The following PPP2R5B variants were observed in gnomAD, a reference collection of about 807,000 sequenced individuals.
PPP2R5B encodes the protein protein phosphatase 2 regulatory subunit B'beta, also known as serine/threonine-protein phosphatase 2A 56 kDa regulatory subunit beta isoform.
A neutral mutation model predicts 59.9 loss-of-function variants in PPP2R5B; 19 were observed. The ratio of observed to expected loss-of-function variants is 0.32; its 90% confidence interval spans 0.22 to 0.47. PPP2R5B has a LOEUF of 0.47. PPP2R5B is among the 20% of genes least tolerant of loss of function. The pLI, the probability that PPP2R5B is intolerant of heterozygous loss-of-function variation, is 1.00. For missense variants in PPP2R5B, 441 were observed against 640.2 expected (o/e 0.69, Z 3.36); for synonymous variants, 286 against 260.5 (o/e 1.10, Z -0.94).
At position 64,927,786 on chromosome 11, in the gene PPP2R5B, CA is replaced by C. The variant is rs1945184266; in HGVS notation, c.397-14del. ...TCAAGGGCTTTTCCTTAATGAACCC[CA>C]ACTCTGCCACTCAGATCTCAGTGAA... On this transcript the variant is annotated splice_polypyrimidine_tract_variant and intron_variant, in intron 3 of 13. Coordinates refer to ENST00000164133, the MANE Select transcript of PPP2R5B (RefSeq NM_006244.4). The C allele has an allele frequency of 6.4e-7, 1 of 1,562,294 alleles. No individual in the cohort carries two copies. Among genetic ancestry groups the C allele is most frequent in the African/African-American group, 1.4e-5 (1 of 73,814 alleles).
rs1295110295 is a variant in PPP2R5B at position 64,924,803 on chromosome 11, G to A, written c.-490G>A. ...TCCCAGGACTTCAGCGGAGATCCGC[G>A]CGCTGCGACGGCCGGTGCAGAGCCC... On this transcript the variant is annotated 5_prime_UTR_variant, in exon 1 of 14. Transcript: ENST00000164133. 6.6e-6 allele frequency: 1 copy of A among 152,296 alleles called. No individual in the cohort carries two copies. The highest frequency in any genetic ancestry group is 1.5e-5 in the Non-Finnish European group (1 of 68,084). 9.4% of individuals were successfully genotyped at this position (152,296 alleles called of 1,614,324 possible).
Position 64,927,913 on chromosome 11 carries a change from G to A in PPP2R5B, c.498+10G>A, listed in dbSNP as rs1945185899. ...GTGGCCACACCTGCAGGTCTGAAGG[G>A]TTGGGGAAGACAGAGATCCAAGTTT... On this transcript the variant is annotated intron_variant, in intron 4 of 13. Transcript: ENST00000164133. 6.3e-7 allele frequency: 1 copy of A among 1,590,294 alleles called. No homozygotes were observed. The highest frequency in any genetic ancestry group is 8.6e-7 in the Non-Finnish European group (1 of 1,158,384).
In PPP2R5B at chr11:64,925,916, C is replaced by T. The variant is rs887668274; in HGVS notation, c.182C>T (p.Pro61Leu). 6 of 1,611,732 alleles carry T rather than the reference C, an allele frequency of 3.7e-6. No homozygotes were observed. Among genetic ancestry groups the T allele is most frequent in the Non-Finnish European group, 5.1e-6 (6 of 1,179,822 alleles). Reference protein sequence around the residue: ...RYQSNQQELTPLPLLKDVPAS... With the variant: ...RYQSNQQELTLLPLLKDVPAS... ...CAGAGCAACCAGCAAGAGCTCACAC[C>T]GCTGCCCCTGCTCAAAGGTGAGCTG... Residue 61 changes from proline (P) to leucine (L), a missense_variant, in exon 2 of 14, where the codon CCG (proline) becomes CTG (leucine). By Grantham distance (98) the Pro-to-Leu change is moderately conservative. Around this residue, in one of 3 missense-constraint regions of PPP2R5B, gnomAD observed 103 missense variants for 87.9 expected, o/e 1.17. Coordinates refer to ENST00000164133, the MANE Select transcript of PPP2R5B (RefSeq NM_006244.4). This position sits in a 1 kb window ranked among gnomAD's most constrained non-coding sequence, Gnocchi z 4.6.
chr11:64,928,054 C>T lies in PPP2R5B; in HGVS notation c.499-12C>T. On this transcript the variant is annotated splice_polypyrimidine_tract_variant and intron_variant, in intron 4 of 13. Transcript: ENST00000164133. ...TACTGAACTCACCTTTTTGTCTGTC[C>T]CCCTCCCCCAGCTGGTATATGAGTT... 1 of 1,613,332 alleles carries T rather than the reference C, an allele frequency of 6.2e-7. No individual in the cohort carries two copies. Among genetic ancestry groups the T allele is most frequent in the Admixed American group, 1.7e-5 (1 of 59,976 alleles).
At chr11:64,927,037 TC>T (rs71270582) in intron 3 of PPP2R5B, 129 bp downstream of exon 3, 6 of 1,069,034 alleles carry the variant, frequency 5.6e-6, no homozygotes, top group South Asian at 1.6e-5. Flanking sequence ...ACGTCTTCCT[TC>T]CCCCCGACCT....
chr11:64,928,269 C>T (rs1945189984), intron 5 of PPP2R5B, 26 bp from the exon 6 acceptor site: 3 of 1,613,246 alleles, frequency 1.9e-6, no homozygotes, highest in Non-Finnish European at 2.5e-6. Context: ...TGACCCTGAC[C>T]CTGACCCTGA....
chr11:64,922,826 G>A (rs527252829), upstream of PPP2R5B, among the ~76,000 whole-genome samples: 1 of 150,640 alleles, frequency 6.6e-6, no homozygotes, highest in African/African-American at 2.4e-5. Context: ...AGTGAGCCGA[G>A]TTTGTGCCAC....
In PPP2R5B at chr11:64,930,747, G is replaced by A. The variant is rs534229915; in HGVS notation, c.891+158G>A. On this transcript the variant is annotated intron_variant, in intron 8 of 13. Transcript: ENST00000164133. Reference sequence around the variant, plus strand: ...AGAAAATTCCCACTGGCGCTTTAAGGCTAACCTCAGATATCAGCTCTGTGA... The same window carrying A: ...AGAAAATTCCCACTGGCGCTTTAAGACTAACCTCAGATATCAGCTCTGTGA... 5.9e-5 allele frequency among the ~76,000 whole-genome samples: 9 copies of A among 152,232 alleles called. No individual in the cohort carries two copies. In the South Asian group the frequency reaches 1.9e-3, roughly 32 times the overall value.
At chr11:64,920,220 AG>A (rs1945097399), upstream of PPP2R5B, among the ~76,000 whole-genome samples, 1 of 152,196 alleles carries the variant, frequency 6.6e-6, no homozygotes, top group African/African-American at 2.4e-5. Context: ...TATCCTTTCT[AG>A]GCCCCTGGAG....
intron 8 of PPP2R5B, among the ~76,000 whole-genome samples, chr11:64,930,974 A>G (rs1319281186): frequency 1.3e-5 from 2 of 152,138 alleles, no homozygotes; most frequent in Non-Finnish European, 2.9e-5. Context: ...GCTGGGCTCA[A>G]GCAGTCCTCC....
chr11:64,925,926 G>A lies in PPP2R5B; in HGVS notation c.192G>A (p.Leu64=), dbSNP rs535252647. The A allele has an allele frequency of 5.6e-6, 9 of 1,611,094 alleles. No individual in the cohort carries two copies. The highest frequency in any genetic ancestry group is 5.3e-5 in the African/African-American group (4 of 75,004). Residue 64 remains leucine, a synonymous_variant, in exon 2 of 14, where the codon CTG becomes CTA. Coordinates refer to ENST00000164133, the MANE Select transcript of PPP2R5B (RefSeq NM_006244.4). This position sits in a 1 kb window ranked among gnomAD's most constrained non-coding sequence, Gnocchi z 4.6. ...SNQQELTPLP[L]LKDVPASELH... ...AGCAAGAGCTCACACCGCTGCCCCTGCTCAAAGGTGAGCTGGCTGCTGGCC... is the reference window on the plus strand; with the variant it reads ...AGCAAGAGCTCACACCGCTGCCCCTACTCAAAGGTGAGCTGGCTGCTGGCC...
exon 1 of PPP2R5B, chr11:64,917,634 C>T (rs1326477779): frequency 6.5e-6 from 1 of 153,562 alleles, no homozygotes; most frequent in Non-Finnish European, 1.5e-5. Context: ...TCTGTGGAAA[C>T]AATTAAGTGA....
intron 2 of PPP2R5B, 91 bp from the exon 3 acceptor site, chr11:64,926,621 C>A: frequency 2.8e-6 from 4 of 1,419,514 alleles, no homozygotes; most frequent in South Asian, 1.3e-5. Flanking sequence ...GCAGCAGAGG[C>A]AGCCGTGGAG....
chr11:64,926,584 G>A (rs1945166052), intron 2 of PPP2R5B, 128 bp from the exon 3 acceptor site: 5 of 959,806 alleles, frequency 5.2e-6, no homozygotes, highest in Non-Finnish European at 7.7e-6. Flanking sequence ...AGGAGCAGGA[G>A]ATGGCACAAG....
rs1180281167 is a variant in PPP2R5B, at chr11:64,927,819, C to T, written c.414C>T (p.Phe138=). 1 of 1,609,452 alleles carries T rather than the reference C, an allele frequency of 6.2e-7. No homozygotes were observed. The highest frequency in any genetic ancestry group is 1.7e-5 in the Admixed American group (1 of 60,016). Residue 138 remains phenylalanine, a synonymous_variant, in exon 4 of 14, where the codon TTC becomes TTT. Transcript: ENST00000164133. The part of the protein sequence containing the change: ...DIIRMISVNI[F]RTLPPSENPE... ...CCACTCAGATCTCAGTGAATATCTT[C>T]CGGACTCTGCCGCCCAGTGAGAACC...
At chr11:64,933,639 G>A in intron 13 of PPP2R5B, 58 bp from the exon 14 acceptor site, 1 of 1,504,058 alleles carries the variant, frequency 6.6e-7, no homozygotes, top group Admixed American at 2.4e-5. Flanking sequence ...TGGACTGTGA[G>A]GGAGTCTGGA....
At position 64,933,241 on chromosome 11, in the gene PPP2R5B, G is replaced by A; in HGVS notation, c.1341G>A (p.Lys447=). 1.2e-6 allele frequency: 2 copies of A among 1,604,708 alleles called. No individual in the cohort carries two copies. Among genetic ancestry groups the A allele is most frequent in the South Asian group, 1.1e-5 (1 of 90,872 alleles). ...DELTASYKLE[K]QQEQQKAQER... Reference sequence around the variant, plus strand: ...TCACAGCCTCCTACAAGCTGGAAAAGCAGCAGTGAGTGTTGGGGGCTGGGC... The same window carrying A: ...TCACAGCCTCCTACAAGCTGGAAAAACAGCAGTGAGTGTTGGGGGCTGGGC... Residue 447 remains lysine (K), a synonymous_variant, in exon 13 of 14, where the codon AAG becomes AAA. Coordinates refer to ENST00000164133, the MANE Select transcript of PPP2R5B (RefSeq NM_006244.4).
At position 64,930,388 on chromosome 11, in the gene PPP2R5B, C is replaced by T; in HGVS notation, c.782+7C>T. ...TGCTGGAGATCCTAGGAAGGTGATT[C>T]TCCCTGGGCCTCAGCTGGAGCTCAG... is the stretch of plus-strand genomic sequence containing the variant. On this transcript the variant is annotated splice_region_variant and intron_variant, in intron 7 of 13. Coordinates refer to ENST00000164133, the MANE Select transcript of PPP2R5B (RefSeq NM_006244.4). 6.2e-7 allele frequency: 1 copy of T among 1,614,022 alleles called. No individual in the cohort carries two copies. The highest frequency in any genetic ancestry group is 8.5e-7 in the Non-Finnish European group (1 of 1,179,914).
intron 11 of PPP2R5B, among the ~76,000 whole-genome samples, chr11:64,932,311 T>C (rs2136689938): frequency 6.6e-6 from 1 of 152,298 alleles, no homozygotes; most frequent in Non-Finnish European, 1.5e-5. Flanking sequence ...AACTAACTCA[T>C]GTTCTGCTGC....
Sources: gnomAD v4.1 joint callset for allele counts (sites outside exome capture counted in the v4.1 genomes callset) on GRCh38, gnomAD v4.1.1 for gene constraint, gnomAD v4.1.1 regional missense constraint, Gnocchi (gnomAD v3.1) non-coding constraint, MANE v1.5 for transcripts, NCBI Gene and HGNC (gene_info 2026-07-23, HGNC 2026-07-21) for gene names.